Variants in THSD7A observed in about 807,000 individuals in gnomAD.
THSD7A encodes thrombospondin type-1 domain-containing protein 7A.
In THSD7A, 96 loss-of-function variants were observed where a neutral mutation model predicts 231.3. The observed-to-expected ratio is 0.41, with a 90% CI of 0.35 to 0.49. The LOEUF is 0.49. THSD7A is among the 20% of genes least tolerant of loss of function. The pLI is 0.05. For missense variants in THSD7A, 2,290 were observed against 2,070.2 expected, an observed-to-expected ratio of 1.11 and a Z score of -2.06; for synonymous variants, 940 against 743.3, an observed-to-expected ratio of 1.26 and a Z score of -4.30.
At chr7:11,702,600 G>C (rs974480886) in intron 1 of THSD7A, among the ~76,000 whole-genome samples, 4 of 151,212 alleles carry the variant, frequency 2.6e-5, no homozygotes, top group African/African-American at 9.7e-5. Flanking sequence ...TTGAATTGCA[G>C]TTTTAATTGT....
intron 1 of THSD7A, among the ~76,000 whole-genome samples, chr7:11,656,025 C>G (rs1339442107): frequency 6.6e-6 from 1 of 151,876 alleles, no homozygotes; most frequent in East Asian, 1.9e-4. Context: ...TAATCAGCAG[C>G]CTTCACTGAT....
chr7:11,579,003 A>T (rs1171595985), intron 4 of THSD7A, among the ~76,000 whole-genome samples: 2 of 138,456 alleles, frequency 1.4e-5, no homozygotes, highest in Non-Finnish European at 3.2e-5. Flanking sequence ...TTCAATGTGC[A>T]TTTTTTTCTT....
chr7:11,397,161 C>T lies in THSD7A; in HGVS notation c.4411+4634G>A, dbSNP rs181276026. The stretch of plus-strand genomic sequence containing the variant: ...ATAATAAGAGCTATTTATGTCAAAC[C>T]CACAGCCACAGGGCTACAGTAACCA... On this transcript the variant is annotated intron_variant, in intron 23 of 27. Transcript: ENST00000423059. Among the ~76,000 whole-genome samples, 989 of 151,888 alleles carry T rather than the reference C, an allele frequency of 6.5e-3. 11 individuals carry two copies. Among genetic ancestry groups the T allele is most frequent in the East Asian group, 0.034 (173 of 5,138 alleles).
intron 4 of THSD7A, among the ~76,000 whole-genome samples, chr7:11,560,173 T>A (rs1790018543): frequency 6.6e-6 from 1 of 152,206 alleles, no homozygotes; most frequent in Non-Finnish European, 1.5e-5. Flanking sequence ...ATATATTTTT[T>A]AATGATACCA....
At chr7:11,629,122 A>G (rs1781568907) in intron 2 of THSD7A, among the ~76,000 whole-genome samples, 2 of 152,164 alleles carry the variant, frequency 1.3e-5, no homozygotes, top group Admixed American at 1.3e-4. Flanking sequence ...CTCTCTTCCC[A>G]CCATCTGATA....
rs767971049 is a variant in THSD7A, at chr7:11,469,873, C to G, written c.2368+6G>C. Reference sequence around the variant, plus strand: ...TGAACAGCCTTCCTAACTCTGCAGACCATACCTTCTTTACACGAAGAGGGG... The same window carrying G: ...TGAACAGCCTTCCTAACTCTGCAGAGCATACCTTCTTTACACGAAGAGGGG... On this transcript the variant is annotated splice_donor_region_variant and intron_variant, in intron 9 of 27. Coordinates refer to ENST00000423059, the MANE Select transcript of THSD7A (RefSeq NM_015204.3). 1 of 1,572,540 alleles carries G rather than the reference C, an allele frequency of 6.4e-7. No homozygotes were observed. Among genetic ancestry groups the G allele is most frequent in the African/African-American group, 1.3e-5 (1 of 74,462 alleles).
At chr7:11,726,466 C>T (rs1450818275) in intron 1 of THSD7A, among the ~76,000 whole-genome samples, 1 of 151,962 alleles carries the variant, frequency 6.6e-6, no homozygotes, top group African/African-American at 2.4e-5. Flanking sequence ...CAATGAAATC[C>T]GGGATTTCCC....
At chr7:11,602,254 T>G (rs755983249) in intron 2 of THSD7A, among the ~76,000 whole-genome samples, 6 of 152,114 alleles carry the variant, frequency 3.9e-5, no homozygotes, top group Non-Finnish European at 8.8e-5. Flanking sequence ...TATTATATGA[T>G]TATATAGTTT....
chr7:11,747,443 C>A (rs1180600609), intron 1 of THSD7A, among the ~76,000 whole-genome samples: 2 of 151,848 alleles, frequency 1.3e-5, no homozygotes, highest in Admixed American at 6.6e-5. Flanking sequence ...CAGAAAAATT[C>A]AATCAAATTT....
At position 11,424,695 on chromosome 7, in the gene THSD7A, C is replaced by G; in HGVS notation, c.3383+1G>C. 1 of 1,613,890 alleles carries G rather than the reference C, an allele frequency of 6.2e-7. No individual in the cohort carries two copies. The highest frequency in any genetic ancestry group is 8.5e-7 in the Non-Finnish European group (1 of 1,179,836). ...TTCTGTATAATTAGGCTTTGTCTTA[C>G]CTCACTTTTCGGGTTTGCACGCCCT... On this transcript the variant is annotated splice_donor_variant, in intron 16 of 27. Coordinates refer to ENST00000423059, the MANE Select transcript of THSD7A (RefSeq NM_015204.3). LOFTEE classifies it high-confidence loss of function.
At chr7:11,711,577 T>C (rs185487007) in intron 1 of THSD7A, among the ~76,000 whole-genome samples, 104 of 151,204 alleles carry the variant, frequency 6.9e-4, no homozygotes, top group African/African-American at 2.4e-3. Flanking sequence ...GATAAAATTG[T>C]TATAGGGATT....
intron 22 of THSD7A, among the ~76,000 whole-genome samples, chr7:11,403,395 C>T (rs1006551612): frequency 1.3e-5 from 2 of 151,976 alleles, no homozygotes; most frequent in African/African-American, 2.4e-5. Flanking sequence ...TCCTGAAGTA[C>T]AGAAAGTTCT....
chr7:11,599,192 A>G (rs1339813533), intron 2 of THSD7A, among the ~76,000 whole-genome samples: 3 of 152,192 alleles, frequency 2.0e-5, no homozygotes, highest in African/African-American at 4.8e-5. Flanking sequence ...TAGTATTACC[A>G]TGCCCTGTGA....
intron 6 of THSD7A, among the ~76,000 whole-genome samples, chr7:11,507,057 C>T (rs1364882109): frequency 1.3e-5 from 2 of 152,242 alleles, no homozygotes; most frequent in Non-Finnish European, 2.9e-5. Context: ...ACACACAGAA[C>T]ATTCTTATTA....
At chr7:11,784,229 T>C (rs113296651) in intron 1 of THSD7A, among the ~76,000 whole-genome samples, 1 of 151,580 alleles carries the variant, frequency 6.6e-6, no homozygotes. Flanking sequence ...TATACACATA[T>C]ATATGTATGT....
chr7:11,685,990 G>A (rs541876629), intron 1 of THSD7A, among the ~76,000 whole-genome samples: 1 of 151,878 alleles, frequency 6.6e-6, no homozygotes, highest in Non-Finnish European at 1.5e-5. Flanking sequence ...ATGGTGGACT[G>A]GATAAAGAAA....
intron 6 of THSD7A, among the ~76,000 whole-genome samples, chr7:11,490,568 A>G (rs1042435804): frequency 6.6e-6 from 1 of 152,116 alleles, no homozygotes; most frequent in African/African-American, 2.4e-5. Flanking sequence ...CTGAGTGTAC[A>G]GTATGGGTAT....
At chr7:11,538,782 T>C (rs965071753) in intron 6 of THSD7A, among the ~76,000 whole-genome samples, 4 of 152,258 alleles carry the variant, frequency 2.6e-5, no homozygotes, top group African/African-American at 4.8e-5. Flanking sequence ...AGAGAAGCTA[T>C]GCAAAACTCC....
chr7:11,593,568 T>G, intron 2 of THSD7A, 66 bp from the exon 3 acceptor site: 1 of 1,547,374 alleles, frequency 6.5e-7, no homozygotes, highest in Admixed American at 2.0e-5. Context: ...TCTTCTACGC[T>G]CAAGAGTGAA....
Sources: allele counts gnomAD v4.1 joint callset (sites outside exome capture counted in the v4.1 genomes callset), GRCh38; gene constraint gnomAD v4.1.1; transcripts MANE v1.5; gene names NCBI Gene and HGNC (gene_info 2026-07-23, HGNC 2026-07-21).